CNTN5: variants seen among roughly 807,000 people sequenced by gnomAD.
The protein encoded by CNTN5 is contactin-5.
A neutral mutation model predicts 129.1 loss-of-function variants in CNTN5; 77 were observed. The ratio of observed to expected loss-of-function variants is 0.60; its 90% CI spans 0.50 to 0.72. The LOEUF is 0.72. Among genes scored for constraint, CNTN5 ranks in the 30% least tolerant of loss-of-function variants. The probability of loss-of-function intolerance (pLI) is 0.00; values close to 1 mark genes in which losing one functional copy is unlikely to be tolerated. For synonymous variants in CNTN5, 509 were observed against 465.6 expected, an observed-to-expected ratio of 1.09 and a Z score of -1.20; for missense variants, 1,478 against 1,328.8, an observed-to-expected ratio of 1.11 and a Z score of -1.75.
intron 3 of CNTN5, among the ~76,000 whole-genome samples, chr11:99,773,212 A>G (rs996735254): frequency 6.6e-6 from 1 of 152,146 alleles, no homozygotes; most frequent in African/African-American, 2.4e-5. Flanking sequence ...TGCAATATTT[A>G]TCAAAGATAA....
chr11:99,472,787 C>A (rs550660337), intron 2 of CNTN5, among the ~76,000 whole-genome samples: 1 of 152,120 alleles, frequency 6.6e-6, no homozygotes, highest in East Asian at 1.9e-4. Flanking sequence ...TTATTCCTCA[C>A]CCTCCCCAGG....
At chr11:99,355,083 G>A (rs772940230) in intron 2 of CNTN5, among the ~76,000 whole-genome samples, 8 of 152,022 alleles carry the variant, frequency 5.3e-5, no homozygotes, top group South Asian at 2.1e-4. Context: ...ATTTAAATCC[G>A]TTTTGAAATT....
chr11:99,661,439 C>T (rs1451137665), intron 3 of CNTN5, among the ~76,000 whole-genome samples: 1 of 152,076 alleles, frequency 6.6e-6, no homozygotes, highest in Non-Finnish European at 1.5e-5. Context: ...TATTACAATT[C>T]ATATTTGTCA....
intron 9 of CNTN5, among the ~76,000 whole-genome samples, chr11:100,051,499 TAA>T (rs1443683541): frequency 6.6e-6 from 1 of 151,998 alleles, no homozygotes; most frequent in Non-Finnish European, 1.5e-5. Context: ...TACTTAATGG[TAA>T]ATTTTTGTCA....
intron 23 of CNTN5, among the ~76,000 whole-genome samples, chr11:100,344,045 G>A (rs1423891524): frequency 1.3e-5 from 2 of 152,040 alleles, no homozygotes; most frequent in Non-Finnish European, 2.9e-5. Context: ...GGGAAAGGGA[G>A]AGTTTCCATA....
At chr11:99,310,482 A>C (rs887912256) in intron 1 of CNTN5, among the ~76,000 whole-genome samples, 2 of 152,130 alleles carry the variant, frequency 1.3e-5, no homozygotes, top group African/African-American at 4.8e-5. Context: ...ACGTTGGTAA[A>C]ATGTTTATAA....
At chr11:99,280,678 C>A (rs978777058) in intron 1 of CNTN5, among the ~76,000 whole-genome samples, 1 of 151,668 alleles carries the variant, frequency 6.6e-6, no homozygotes, top group Non-Finnish European at 1.5e-5. Flanking sequence ...ATTATTTATG[C>A]TCTCTGGAGG....
intron 15 of CNTN5, among the ~76,000 whole-genome samples, chr11:100,222,240 G>A (rs1191593712): frequency 6.6e-6 from 1 of 152,174 alleles, no homozygotes; most frequent in Non-Finnish European, 1.5e-5. Flanking sequence ...AGGCTGTAGA[G>A]TTTTTGCTTC....
At chr11:99,380,411 C>A (rs1940468945) in intron 2 of CNTN5, among the ~76,000 whole-genome samples, 1 of 152,078 alleles carries the variant, frequency 6.6e-6, no homozygotes, top group East Asian at 1.9e-4. Flanking sequence ...TGTAAATGAG[C>A]AATGATCATT....
At chr11:99,778,430 T>G (rs1429478001) in intron 3 of CNTN5, among the ~76,000 whole-genome samples, 1 of 151,912 alleles carries the variant, frequency 6.6e-6, no homozygotes, top group African/African-American at 2.4e-5. Flanking sequence ...CAGGATTTTC[T>G]TAACTATTAT....
intron 1 of CNTN5, among the ~76,000 whole-genome samples, chr11:99,300,851 A>G (rs189206324): frequency 1.0e-3 from 152 of 152,138 alleles, no homozygotes; most frequent in African/African-American, 3.6e-3. Context: ...AAACTTGTAA[A>G]ACATGATGCT....
chr11:99,488,006 C>T (rs1945883102), intron 2 of CNTN5, among the ~76,000 whole-genome samples: 3 of 152,050 alleles, frequency 2.0e-5, no homozygotes, highest in Admixed American at 2.0e-4. Context: ...TTTAATCCTA[C>T]AATAATAAAG....
chr11:100,335,774 A>G (rs934818363), intron 21 of CNTN5, among the ~76,000 whole-genome samples: 13 of 151,958 alleles, frequency 8.6e-5, no homozygotes, highest in African/African-American at 3.1e-4. Context: ...TCTCAAAAAA[A>G]AAAAGCCATT....
chr11:99,725,253 A>G (rs1410550947), intron 3 of CNTN5, among the ~76,000 whole-genome samples: 1 of 152,164 alleles, frequency 6.6e-6, no homozygotes, highest in African/African-American at 2.4e-5. Context: ...TTCAAGAATA[A>G]AAAGCAACAA....
rs373110655 is a variant in CNTN5, at chr11:99,539,441, C to T, written c.-70-16704C>T. The stretch of plus-strand genomic sequence containing the variant: ...ATCTATTCCCTAAATCCTCTCTAAA[C>T]ATTAATAATTGTTCTTTTATACTTA... On this transcript the variant is annotated intron_variant, in intron 2 of 24. Coordinates refer to ENST00000524871, the MANE Select transcript of CNTN5 (RefSeq NM_014361.4). Among the ~76,000 whole-genome samples, 4 of 152,126 alleles carry T rather than the reference C, an allele frequency of 2.6e-5. No homozygotes were observed. In the South Asian group the frequency reaches 8.3e-4, roughly 32 times the overall value.
chr11:99,506,532 G>A (rs987815976), intron 2 of CNTN5, among the ~76,000 whole-genome samples: 22 of 151,864 alleles, frequency 1.4e-4, no homozygotes, highest in Non-Finnish European at 2.4e-4. Flanking sequence ...GACGATTTGC[G>A]CCTTGAAAAA....
chr11:100,008,057 C>A (rs551691484), intron 9 of CNTN5, among the ~76,000 whole-genome samples: 2 of 152,130 alleles, frequency 1.3e-5, no homozygotes, highest in East Asian at 3.9e-4. Flanking sequence ...ACAGTCAGAA[C>A]ACATACATTT....
chr11:100,027,019 T>TA (rs926752254), intron 9 of CNTN5, among the ~76,000 whole-genome samples: 34 of 150,536 alleles, frequency 2.3e-4, no homozygotes, highest in South Asian at 6.3e-4. Context: ...GATTTGGATT[T>TA]AAAAAAAAAA....
rs1485958349 is a variant in CNTN5 at position 100,287,008 on chromosome 11, A to G, written c.2315-10617A>G. ...ATCAACTGGAAGAAAGGGTATCAGCAATGGAAGATGAAATGAATGAAATGA... is the reference window on the plus strand; with the variant it reads ...ATCAACTGGAAGAAAGGGTATCAGCGATGGAAGATGAAATGAATGAAATGA... On this transcript the variant is annotated intron_variant, in intron 18 of 24. Transcript: ENST00000524871. 3.2e-4 allele frequency among the ~76,000 whole-genome samples: 48 copies of G among 152,144 alleles called. 1 individual carries two copies. Among genetic ancestry groups the G allele is most frequent in the Non-Finnish European group, 5.1e-4 (35 of 67,994 alleles).
Sources: allele counts gnomAD v4.1 joint callset (sites outside exome capture counted in the v4.1 genomes callset), GRCh38; gene constraint gnomAD v4.1.1; transcripts MANE v1.5; gene names NCBI Gene and HGNC (gene_info 2026-07-23, HGNC 2026-07-21).